Variants in KIF6 observed in about 807,000 individuals in gnomAD.
KIF6 encodes kinesin family member 6.
In KIF6, 106 loss-of-function variants were observed where a neutral mutation model predicts 112.7. The observed-to-expected ratio is 0.94, with a 90% confidence interval of 0.80 to 1.11. The LOEUF (loss-of-function observed/expected upper bound fraction) is 1.11. KIF6 is among the 50% of genes least tolerant of loss of function. KIF6 has a pLI of 0.00. For missense variants in KIF6, 929 were observed against 964.0 expected, an observed-to-expected ratio of 0.96 and a Z score of 0.48; for synonymous variants, 339 against 339.9, an observed-to-expected ratio of 1.00 and a Z score of 0.03.
chr6:39,385,594 T>C, intron 16 of KIF6, 28 bp downstream of exon 16: 2 of 1,589,170 alleles, frequency 1.3e-6, no homozygotes, highest in Non-Finnish European at 1.7e-6. Context: ...ACCTTCATCC[T>C]CTTCCTGCAG....
intron 3 of KIF6, among the ~76,000 whole-genome samples, chr6:39,678,081 G>A (rs1254285860): frequency 3.3e-5 from 5 of 151,946 alleles, no homozygotes; most frequent in African/African-American, 1.2e-4. Context: ...TCAGAGAAAT[G>A]CAAATCAAAA....
At position 39,335,656 on chromosome 6, in the gene KIF6, C is replaced by G. The variant is rs906474475; in HGVS notation, c.*876G>C. Reference sequence around the variant, plus strand: ...GGCCCAGGGGGCAGTTCTTCAAGAACCTCCTTGAGGGCTGCCCACCTTCCC... The same window carrying G: ...GGCCCAGGGGGCAGTTCTTCAAGAAGCTCCTTGAGGGCTGCCCACCTTCCC... On this transcript the variant is annotated 3_prime_UTR_variant, in exon 23 of 23. Coordinates refer to ENST00000287152, the MANE Select transcript of KIF6 (RefSeq NM_145027.6). 2 of 152,094 alleles carry G rather than the reference C, an allele frequency of 1.3e-5. No individual in the cohort carries two copies. Among genetic ancestry groups the G allele is most frequent in the Non-Finnish European group, 2.9e-5 (2 of 68,030 alleles). The allele number at this position is 152,094 out of a possible 1,614,324, so 9.4% of individuals were successfully genotyped here.
At chr6:39,395,880 C>T (rs534136087) in intron 15 of KIF6, among the ~76,000 whole-genome samples, 2 of 152,286 alleles carry the variant, frequency 1.3e-5, no homozygotes, top group African/African-American at 2.4e-5. Flanking sequence ...TTTGATTTTG[C>T]AGTGAATATA....
rs200086134 is a variant in KIF6, at chr6:39,337,129, CTCCTTCCT to C, written c.2429-589_2429-582del. ...TTTCTTCTCTTTCTTTCTTTCTTTC[CTCCTTCCT>C]TCCTTCCTTTCTCTTTCTTTTCTTT... is the stretch of plus-strand genomic sequence containing the variant. On this transcript the variant is annotated intron_variant, in intron 22 of 22. Coordinates refer to ENST00000287152, the MANE Select transcript of KIF6 (RefSeq NM_145027.6). 1.1e-4 allele frequency among the ~76,000 whole-genome samples: 10 copies of C among 93,388 alleles called. No individual in the cohort carries two copies. In the Admixed American group the frequency reaches 1.1e-3, roughly 10 times the overall value. The allele number at this position is 93,388 out of a possible 152,430, so 61.3% of individuals were successfully genotyped here. A position where few individuals can be genotyped will look rare whatever the true frequency, so the allele number is the denominator to read the frequency against.
At chr6:39,337,144 CTTTCTCTTTCTTTTCTTTCT>C in intron 22 of KIF6, among the ~76,000 whole-genome samples, 1 of 112,088 alleles carries the variant, frequency 8.9e-6, no homozygotes, top group Non-Finnish European at 1.9e-5. Flanking sequence ...TCCTTCCTTC[CTTTCTCTTTCTTTTCTTTCT>C]TTCCTTCCTT....
chr6:39,577,377 T>G (rs1202562401), intron 10 of KIF6, among the ~76,000 whole-genome samples: 1 of 152,260 alleles, frequency 6.6e-6, no homozygotes, highest in East Asian at 1.9e-4. Flanking sequence ...TATTTCTCAT[T>G]TGGAAATAGA....
At chr6:39,452,739 C>T (rs969978370) in intron 13 of KIF6, among the ~76,000 whole-genome samples, 4 of 152,130 alleles carry the variant, frequency 2.6e-5, no homozygotes, top group South Asian at 2.1e-4. Flanking sequence ...GATTTCCAGA[C>T]GTATGGATCA....
intron 13 of KIF6, among the ~76,000 whole-genome samples, chr6:39,519,188 G>A (rs1276020788): frequency 3.3e-5 from 5 of 152,102 alleles, no homozygotes; most frequent in Admixed American, 3.3e-4. Context: ...TTGTCAGCTT[G>A]AGGAAACTAA....
chr6:39,575,346 T>C (rs977731241), intron 10 of KIF6, among the ~76,000 whole-genome samples: 13 of 151,688 alleles, frequency 8.6e-5, no homozygotes, highest in South Asian at 4.2e-4. Context: ...TCTCGGCTCA[T>C]TGCAAGCTCT....
intron 9 of KIF6, among the ~76,000 whole-genome samples, chr6:39,579,003 T>A (rs1484449273): frequency 6.6e-6 from 1 of 152,220 alleles, no homozygotes; most frequent in Non-Finnish European, 1.5e-5. Flanking sequence ...TGATGAACAT[T>A]TAGGATTTTT....
At chr6:39,428,761 A>C (rs6458115) in intron 14 of KIF6, among the ~76,000 whole-genome samples, 34,806 of 152,154 alleles carry the variant, frequency 0.23, 7,231 homozygotes, top group African/African-American at 0.55. Flanking sequence ...GAATGATGTG[A>C]TCTTACTCAG....
At position 39,586,384 on chromosome 6, in the gene KIF6, T is replaced by C. The variant is rs1352411073; in HGVS notation, c.867A>G (p.Glu289=). ...YLEQVIIALS[E]KHRSHIPYRN... ...TATAAGGAATGTGCGAACGGTGCTTTTCTGAAAGGGCAATGATAACCTGTG... is the reference window on the plus strand; with the variant it reads ...TATAAGGAATGTGCGAACGGTGCTTCTCTGAAAGGGCAATGATAACCTGTG... The change falls in exon 8 of 23, where the codon GAA becomes GAG. Residue 289 remains glutamate (E), a synonymous_variant. Transcript: ENST00000287152. 1.9e-6 allele frequency: 3 copies of C among 1,613,978 alleles called. No homozygotes were observed. The highest frequency in any genetic ancestry group is 2.5e-6 in the Non-Finnish European group (3 of 1,179,988).
At chr6:39,416,665 T>C (rs1226587075) in intron 15 of KIF6, among the ~76,000 whole-genome samples, 1 of 152,194 alleles carries the variant, frequency 6.6e-6, no homozygotes, top group Non-Finnish European at 1.5e-5. Context: ...TTCAGACTGA[T>C]TATGCCATAT....
At chr6:39,596,673 CA>C (rs1303924196) in intron 6 of KIF6, among the ~76,000 whole-genome samples, 1 of 152,082 alleles carries the variant, frequency 6.6e-6, no homozygotes, top group East Asian at 1.9e-4. Context: ...AAGCCACAGA[CA>C]AAGAAACCTA....
At chr6:39,513,166 A>G (rs1339041332) in intron 13 of KIF6, among the ~76,000 whole-genome samples, 1 of 152,180 alleles carries the variant, frequency 6.6e-6, no homozygotes, top group Non-Finnish European at 1.5e-5. Flanking sequence ...TGAGTTTGCC[A>G]TGACATTTGA....
chr6:39,532,797 AC>A (rs1778148945), intron 13 of KIF6, among the ~76,000 whole-genome samples: 1 of 152,236 alleles, frequency 6.6e-6, no homozygotes, highest in South Asian at 2.1e-4. Flanking sequence ...ACATGTTTAT[AC>A]AAAACATTTC....
At chr6:39,527,324 A>C (rs1251092322) in intron 13 of KIF6, among the ~76,000 whole-genome samples, 1 of 151,906 alleles carries the variant, frequency 6.6e-6, no homozygotes, top group African/African-American at 2.4e-5. Flanking sequence ...CCTCCCCTCT[A>C]TCTCCCTATG....
intron 13 of KIF6, among the ~76,000 whole-genome samples, chr6:39,525,647 G>A (rs1248211328): frequency 2.6e-5 from 4 of 151,940 alleles, no homozygotes; most frequent in African/African-American, 9.7e-5. Context: ...CCAGCTACTC[G>A]GGAGGCTGAG....
chr6:39,692,115 C>T (rs1788247274), intron 3 of KIF6, among the ~76,000 whole-genome samples: 1 of 152,196 alleles, frequency 6.6e-6, no homozygotes, highest in Admixed American at 6.5e-5. Flanking sequence ...CGCCACTGCA[C>T]TGCAGCCTGG....
Sources: gnomAD v4.1 joint callset for allele counts (sites outside exome capture counted in the v4.1 genomes callset) on GRCh38, gnomAD v4.1.1 for gene constraint, MANE v1.5 for transcripts, NCBI Gene and HGNC (gene_info 2026-07-23, HGNC 2026-07-21) for gene names.